The following SMARCC1 variants were observed in gnomAD, a reference collection of about 807,000 sequenced individuals.
The protein encoded by SMARCC1 is SWI/SNF related BAF chromatin remodeling complex subunit C1.
In SMARCC1, 43 loss-of-function variants were observed where a neutral mutation model predicts 147.4. The ratio of observed to expected loss-of-function variants is 0.29; its 90% confidence interval spans 0.23 to 0.38. The LOEUF is 0.38. Ranked by LOEUF, SMARCC1 falls within the 10% of genes least tolerant of loss-of-function variation. SMARCC1 has a pLI of 1.00. For synonymous variants in SMARCC1, 495 were observed against 484.4 expected (o/e 1.02, Z -0.29); for missense variants, 1,119 against 1,381.1 (o/e 0.81, Z 3.01).
intron 26 of SMARCC1, among the ~76,000 whole-genome samples, chr3:47,591,874 G>A (rs1394324800): frequency 6.6e-6 from 1 of 152,154 alleles, no homozygotes; most frequent in African/African-American, 2.4e-5. Flanking sequence ...AAACCCTACA[G>A]TATTCAATAC....
intron 14 of SMARCC1, among the ~76,000 whole-genome samples, chr3:47,685,160 A>C (rs1238756049): frequency 6.6e-6 from 1 of 152,166 alleles, no homozygotes; most frequent in Non-Finnish European, 1.5e-5. Flanking sequence ...CCTTGAACAG[A>C]AGCACTGAAA....
chr3:47,593,172 T>C (rs1401358369), intron 26 of SMARCC1, among the ~76,000 whole-genome samples: 3 of 141,440 alleles, frequency 2.1e-5, no homozygotes, highest in Middle Eastern at 7.2e-3. Flanking sequence ...AATAGTTTAA[T>C]GGAAACAATC....
chr3:47,717,782 G>A (rs1432244494), intron 7 of SMARCC1, among the ~76,000 whole-genome samples: 1 of 151,982 alleles, frequency 6.6e-6, no homozygotes. Flanking sequence ...GCCCAAGGTG[G>A]TCTAGAACTC....
At chr3:47,682,253 C>A (rs1332081605) in intron 14 of SMARCC1, among the ~76,000 whole-genome samples, 5 of 150,252 alleles carry the variant, frequency 3.3e-5, no homozygotes, top group Non-Finnish European at 7.4e-5. Flanking sequence ...CGATATCGCG[C>A]CACTGCACTC....
At chr3:47,746,582 G>C (rs942809120) in intron 2 of SMARCC1, among the ~76,000 whole-genome samples, 3 of 152,036 alleles carry the variant, frequency 2.0e-5, no homozygotes, top group East Asian at 3.9e-4. Flanking sequence ...AAACCAGCCT[G>C]GACAATATAG....
intron 21 of SMARCC1, among the ~76,000 whole-genome samples, chr3:47,653,203 C>G (rs544183542): frequency 6.6e-6 from 1 of 152,132 alleles, no homozygotes; most frequent in Non-Finnish European, 1.5e-5. Flanking sequence ...ATGATCCACC[C>G]GCCTCGGCCT....
At chr3:47,694,465 T>C (rs1032626080) in intron 11 of SMARCC1, among the ~76,000 whole-genome samples, 1 of 152,140 alleles carries the variant, frequency 6.6e-6, no homozygotes, top group African/African-American at 2.4e-5. Context: ...CTGGGCATGG[T>C]GGTGCGCATG....
chr3:47,773,791 C>T lies in SMARCC1; in HGVS notation c.196-855G>A, dbSNP rs1036996818. On this transcript the variant is annotated intron_variant, in intron 1 of 27. Coordinates refer to ENST00000254480, the MANE Select transcript of SMARCC1 (RefSeq NM_003074.4). ...ACTACAGGCGCGCAACCACCATGCC[C>T]GGCTAATTTTGTTTGTATTTTTAGT... 5.3e-5 allele frequency among the ~76,000 whole-genome samples: 8 copies of T among 151,946 alleles called. No homozygotes were observed. In the East Asian group the frequency reaches 1.6e-3, roughly 30 times the overall value.
chr3:47,610,565 T>C (rs2032550750), intron 25 of SMARCC1: 1 of 547,108 alleles, frequency 1.8e-6, no homozygotes, highest in African/African-American at 1.9e-5. Context: ...AAGTCTTTCC[T>C]TGCAATCTTC....
chr3:47,683,338 G>A (rs990223248), intron 14 of SMARCC1, among the ~76,000 whole-genome samples: 2 of 152,008 alleles, frequency 1.3e-5, no homozygotes, highest in East Asian at 1.9e-4. Context: ...GAGCCATCGC[G>A]CCCGGCCTAT....
In SMARCC1 at chr3:47,650,295, AATAATTATT is replaced by A. The variant is rs1559634642; in HGVS notation, c.2320+10990_2320+10998del. Among the ~76,000 whole-genome samples the A allele has an allele frequency of 7.4e-5, 10 of 134,546 alleles. No individual in the cohort carries two copies. In the South Asian group the frequency reaches 2.3e-3, roughly 31 times the overall value. 88.3% of individuals were successfully genotyped at this position (134,546 alleles called of 152,430 possible). On this transcript the variant is annotated intron_variant, in intron 21 of 27. Transcript: ENST00000254480. ...TGTTTAAAATAATAATAATAATAATAATAATTATTATTATTATTATTATTCAAGAAAAAA... is the reference window on the plus strand; with the variant it reads ...TGTTTAAAATAATAATAATAATAATAATTATTATTATTATTCAAGAAAAAA...
chr3:47,762,524 A>G (rs563512694), intron 2 of SMARCC1, among the ~76,000 whole-genome samples: 1 of 152,250 alleles, frequency 6.6e-6, no homozygotes, highest in Non-Finnish European at 1.5e-5. Context: ...ATCCAGTTCA[A>G]TCACACCACC....
Position 47,701,293 on chromosome 3 carries a change from C to T in SMARCC1, c.1150G>A (p.Val384Ile). ...GAATACAAACCATTTTTGGGAAGTA[C>T]TACTTCTTCTATATTGGGTACAGGT... is the stretch of plus-strand genomic sequence containing the variant. Reference protein sequence around the residue: ...PTPVPNIEEVVLPKNVNLKKD... With the variant: ...PTPVPNIEEVILPKNVNLKKD... Residue 384 changes from valine (V) to isoleucine (I), a missense_variant, in exon 11 of 28, where the codon GTA becomes ATA. Transcript: ENST00000254480. The T allele has an allele frequency of 6.2e-7, 1 of 1,612,354 alleles. No homozygotes were observed. The highest frequency in any genetic ancestry group is 8.5e-7 in the Non-Finnish European group (1 of 1,178,930).
Position 47,675,463 on chromosome 3 carries a change from TAGAA to T in SMARCC1, c.1839+8_1839+11del. On this transcript the variant is annotated splice_region_variant and intron_variant, in intron 18 of 27. Transcript: ENST00000254480. ...TGCTGGATTGCAGCCCATGTGTGAT[TAGAA>T]AAATTACCTTTGCTAATGTTTTCTT... 7.2e-7 allele frequency: 1 copy of T among 1,382,420 alleles called. No homozygotes were observed. Among genetic ancestry groups the T allele is most frequent in the South Asian group, 1.2e-5 (1 of 86,222 alleles). 85.6% of individuals were successfully genotyped at this position (1,382,420 alleles called of 1,614,324 possible).
At position 47,775,539 on chromosome 3, in the gene SMARCC1, C is replaced by T. The variant is rs544347425; in HGVS notation, c.196-2603G>A. ...CTGGAATCCCAGCACTTTGGGAGGC[C>T]GAGGCGGGCGAATCACGAGGTCAGG... On this transcript the variant is annotated intron_variant, in intron 1 of 27. Coordinates refer to ENST00000254480, the MANE Select transcript of SMARCC1 (RefSeq NM_003074.4). 3.7e-3 allele frequency among the ~76,000 whole-genome samples: 543 copies of T among 148,086 alleles called. 1 individual carries two copies. The highest frequency in any genetic ancestry group is 5.6e-3 in the Non-Finnish European group (377 of 66,918).
rs562197098 is a variant in SMARCC1, at chr3:47,609,278, C to G, written c.3043+788G>C. Among the ~76,000 whole-genome samples, 94 of 152,200 alleles carry G rather than the reference C, an allele frequency of 6.2e-4. No homozygotes were observed. The East Asian group carries it at 0.018, about 29-fold the overall frequency. On this transcript the variant is annotated intron_variant, in intron 26 of 27. Transcript: ENST00000254480. ...TTGGGAGGCTGAGGTGGGCGGATCA[C>G]GAGGTCAGGAGATCGAGACCATCCT...
In SMARCC1 at chr3:47,638,113, CAG is replaced by C. The variant is rs777828764; in HGVS notation, c.2376+610_2376+611del. ...ACAACTTTTGTTGTTGTTGTTGAGACAGAGTCTCGCTCTGTCGCCCAGGATGG... is the reference window on the plus strand; with the variant it reads ...ACAACTTTTGTTGTTGTTGTTGAGACAGTCTCGCTCTGTCGCCCAGGATGG... On this transcript the variant is annotated intron_variant, in intron 22 of 27. Transcript: ENST00000254480. Among the ~76,000 whole-genome samples the C allele has an allele frequency of 3.9e-5, 6 of 152,242 alleles. No homozygotes were observed. In the East Asian group the frequency reaches 5.8e-4, roughly 15 times the overall value.
At chr3:47,611,549 C>T (rs972092215) in intron 25 of SMARCC1, among the ~76,000 whole-genome samples, 27 of 152,152 alleles carry the variant, frequency 1.8e-4, no homozygotes, top group Non-Finnish European at 3.7e-4. Context: ...ATATGGCTCA[C>T]ATATTTCTGT....
At chr3:47,590,927 C>T (rs777226166) in intron 26 of SMARCC1, 90 bp from the exon 27 acceptor site, 57 of 1,035,920 alleles carry the variant, frequency 5.5e-5, no homozygotes, top group Non-Finnish European at 3.5e-5. Flanking sequence ...ATACAAATAT[C>T]CAACCTTCCA....
Sources: gnomAD v4.1 joint callset for allele counts (sites outside exome capture counted in the v4.1 genomes callset) on GRCh38, gnomAD v4.1.1 for gene constraint, MANE v1.5 for transcripts, NCBI Gene and HGNC (gene_info 2026-07-23, HGNC 2026-07-21) for gene names.